Variants in DLGAP1 observed in about 807,000 individuals in gnomAD.
The protein encoded by DLGAP1 is disks large-associated protein 1.
A neutral mutation model predicts 90.8 loss-of-function variants in DLGAP1; 11 were observed. The observed-to-expected ratio is 0.12, with a 90% confidence interval of 0.08 to 0.20. The LOEUF is 0.20. Ranked by LOEUF, DLGAP1 falls within the 10% of genes least tolerant of loss-of-function variation. DLGAP1 has a pLI of 1.00. For missense variants in DLGAP1, 1,050 were observed against 1,333.8 expected, an observed-to-expected ratio of 0.79 and a Z score of 3.31; for synonymous variants, 558 against 540.7, an observed-to-expected ratio of 1.03 and a Z score of -0.44.
At chr18:3,530,797 T>C (rs958045359) in intron 10 of DLGAP1, among the ~76,000 whole-genome samples, 2 of 152,182 alleles carry the variant, frequency 1.3e-5, no homozygotes, top group African/African-American at 2.4e-5. Flanking sequence ...GAGATTTACT[T>C]TTCCACTGCC....
chr18:3,929,797 C>A (rs147822719), intron 3 of DLGAP1, among the ~76,000 whole-genome samples: 53 of 152,240 alleles, frequency 3.5e-4, no homozygotes, highest in African/African-American at 1.0e-3. Context: ...AACTGCTGTT[C>A]GTCTAAATTT....
intron 3 of DLGAP1, among the ~76,000 whole-genome samples, chr18:3,938,485 G>A (rs1009885570): frequency 2.0e-5 from 3 of 152,174 alleles, no homozygotes; most frequent in African/African-American, 7.2e-5. Context: ...TTGGCCGAGG[G>A]AAGTGCAGGT....
chr18:4,011,075 C>T (rs2074409705), intron 2 of DLGAP1, among the ~76,000 whole-genome samples: 2 of 149,912 alleles, frequency 1.3e-5, no homozygotes, highest in African/African-American at 4.9e-5. Flanking sequence ...ACTCGGGAGG[C>T]TGAGGCAGGA....
intron 2 of DLGAP1, among the ~76,000 whole-genome samples, chr18:4,016,677 C>G (rs1012028781): frequency 6.6e-6 from 1 of 151,320 alleles, no homozygotes; most frequent in Non-Finnish European, 1.5e-5. Context: ...TAAAAAAAAT[C>G]TTTCTCAAGC....
chr18:3,605,934 G>A (rs11876411), intron 7 of DLGAP1, among the ~76,000 whole-genome samples: 3,371 of 152,248 alleles, frequency 0.022, 134 homozygotes, highest in African/African-American at 0.077. Flanking sequence ...GAGAATTCAT[G>A]AAGAAATAGG....
At chr18:4,446,924 A>G (rs2083681792) in intron 1 of DLGAP1, among the ~76,000 whole-genome samples, 1 of 152,220 alleles carries the variant, frequency 6.6e-6, no homozygotes, top group Non-Finnish European at 1.5e-5. Context: ...AAGAGAGGGA[A>G]TAAATCATCA....
At chr18:4,214,880 T>C (rs939429664) in intron 1 of DLGAP1, among the ~76,000 whole-genome samples, 1 of 152,108 alleles carries the variant, frequency 6.6e-6, no homozygotes, top group African/African-American at 2.4e-5. Context: ...AACACCAGAA[T>C]TTTTTCCTTA....
intron 5 of DLGAP1, among the ~76,000 whole-genome samples, chr18:3,783,654 A>T (rs1230290289): frequency 6.6e-6 from 1 of 152,188 alleles, no homozygotes; most frequent in Non-Finnish European, 1.5e-5. Flanking sequence ...ACCAATAGGC[A>T]TGGGGATTTG....
intron 1 of DLGAP1, among the ~76,000 whole-genome samples, chr18:4,162,930 A>G (rs2076871200): frequency 6.6e-6 from 1 of 152,044 alleles, no homozygotes; most frequent in Non-Finnish European, 1.5e-5. Context: ...AAAAAAAAAC[A>G]TAATATCATT....
At chr18:4,048,692 T>A (rs1244664305) in intron 2 of DLGAP1, among the ~76,000 whole-genome samples, 1 of 152,172 alleles carries the variant, frequency 6.6e-6, no homozygotes, top group African/African-American at 2.4e-5. Context: ...ATGGGGACAA[T>A]TCTGACTATA....
intron 1 of DLGAP1, among the ~76,000 whole-genome samples, chr18:4,351,808 A>G (rs1159777402): frequency 6.6e-6 from 1 of 152,188 alleles, no homozygotes; most frequent in African/African-American, 2.4e-5. Context: ...TATTCTATAC[A>G]TTTTGTTTGC....
At chr18:4,236,141 A>T (rs2078410058) in intron 1 of DLGAP1, among the ~76,000 whole-genome samples, 1 of 152,140 alleles carries the variant, frequency 6.6e-6, no homozygotes, top group Non-Finnish European at 1.5e-5. Flanking sequence ...AAAGCCTCTG[A>T]TCCTTGTTAA....
chr18:3,663,560 A>C (rs1384852729), intron 7 of DLGAP1, among the ~76,000 whole-genome samples: 1 of 152,178 alleles, frequency 6.6e-6, no homozygotes, highest in African/African-American at 2.4e-5. Flanking sequence ...TTAAGACCTT[A>C]AGATTTCCTA....
At chr18:3,529,468 G>A (rs1904426806) in intron 10 of DLGAP1, among the ~76,000 whole-genome samples, 1 of 151,298 alleles carries the variant, frequency 6.6e-6, no homozygotes, top group African/African-American at 2.4e-5. Context: ...ACTTATTGAA[G>A]TTTTTTTTTA....
At chr18:3,746,782 C>T (rs1156597228) in intron 5 of DLGAP1, among the ~76,000 whole-genome samples, 1 of 152,160 alleles carries the variant, frequency 6.6e-6, no homozygotes, top group African/African-American at 2.4e-5. Flanking sequence ...TACATTTACA[C>T]ATTACATTCA....
intron 7 of DLGAP1, among the ~76,000 whole-genome samples, chr18:3,616,722 C>T (rs926529781): frequency 7.2e-5 from 11 of 151,932 alleles, no homozygotes; most frequent in Admixed American, 6.6e-4. Context: ...GCCACTTAAA[C>T]CACCCTAGGC....
intron 10 of DLGAP1, among the ~76,000 whole-genome samples, chr18:3,531,186 C>G (rs1251996167): frequency 1.3e-5 from 2 of 152,130 alleles, no homozygotes; most frequent in Admixed American, 1.3e-4. Flanking sequence ...CCTGTAATCT[C>G]AGCACTTTGG....
At chr18:3,550,515 T>C (rs569068259) in intron 9 of DLGAP1, among the ~76,000 whole-genome samples, 2 of 152,232 alleles carry the variant, frequency 1.3e-5, no homozygotes, top group East Asian at 3.9e-4. Context: ...TGTGAACCAC[T>C]GCACCTGGCC....
rs141475320 is a variant in DLGAP1, at chr18:4,218,732, G to A, written c.-266-67445C>T. ...ACTCAGTATTTGTCTTTCTGTGTCT[G>A]GCTTATTTCACTTAGCATAATATCC... is the stretch of plus-strand genomic sequence containing the variant. On this transcript the variant is annotated intron_variant, in intron 1 of 12. Transcript: ENST00000315677. Among the ~76,000 whole-genome samples the A allele has an allele frequency of 6.4e-3, 969 of 151,716 alleles. 8 individuals carry two copies. Among genetic ancestry groups the A allele is most frequent in the African/African-American group, 0.022 (904 of 41,374 alleles).
Sources: allele counts gnomAD v4.1 joint callset (sites outside exome capture counted in the v4.1 genomes callset), GRCh38; gene constraint gnomAD v4.1.1; transcripts MANE v1.5; gene names NCBI Gene and HGNC (gene_info 2026-07-23, HGNC 2026-07-21).